The following USP33 variants were observed in gnomAD, a reference collection of about 807,000 sequenced individuals.
USP33 encodes the protein ubiquitin specific peptidase 33.
A neutral mutation model predicts 124.2 loss-of-function variants in USP33; 46 were observed. That is an observed-to-expected ratio of 0.37 (90% CI 0.29 to 0.47). The LOEUF is 0.47. Ranked by LOEUF, USP33 falls within the 20% of genes least tolerant of loss-of-function variation. The pLI is 0.99. For missense variants in USP33, 851 were observed against 1,070.6 expected (o/e 0.79, Z 2.86); for synonymous variants, 350 against 352.3 (o/e 0.99, Z 0.07).
At chr1:77,757,246 A>G (rs1680883176) in intron 1 of USP33, among the ~76,000 whole-genome samples, 1 of 152,226 alleles carries the variant, frequency 6.6e-6, no homozygotes, top group Non-Finnish European at 1.5e-5. Context: ...GTTGTGTAAA[A>G]AATTGCCTCA....
chr1:77,709,116 G>C (rs1285191917), intron 21 of USP33, among the ~76,000 whole-genome samples: 1 of 152,154 alleles, frequency 6.6e-6, no homozygotes, highest in Admixed American at 6.5e-5. Context: ...AATGATATAA[G>C]CATTCCAATC....
intron 21 of USP33, among the ~76,000 whole-genome samples, chr1:77,705,998 T>A (rs1186504757): frequency 2.6e-5 from 4 of 152,278 alleles, no homozygotes; most frequent in Non-Finnish European, 5.9e-5. Context: ...ATGATCTTTT[T>A]ACTGCTGAGT....
intron 22 of USP33, 80 bp from the exon 23 acceptor site, chr1:77,698,011 G>T: frequency 1.9e-6 from 2 of 1,071,596 alleles, no homozygotes; most frequent in Non-Finnish European, 2.8e-6. Flanking sequence ...ACAAAATTGT[G>T]ACCTATAACT....
chr1:77,738,724 G>C (rs1678771440), intron 5 of USP33, among the ~76,000 whole-genome samples: 1 of 152,090 alleles, frequency 6.6e-6, no homozygotes, highest in Non-Finnish European at 1.5e-5. Flanking sequence ...TCGTGATCCA[G>C]CCGCCTTGGC....
chr1:77,755,608 G>A (rs1484705299), intron 1 of USP33, among the ~76,000 whole-genome samples: 1 of 152,220 alleles, frequency 6.6e-6, no homozygotes, highest in Non-Finnish European at 1.5e-5. Context: ...TGAGTGGTGA[G>A]AACTGCTTGA....
chr1:77,717,095 G>C (rs1297162907), intron 17 of USP33, among the ~76,000 whole-genome samples: 1 of 151,966 alleles, frequency 6.6e-6, no homozygotes, highest in Non-Finnish European at 1.5e-5. Context: ...ACGAACTCCT[G>C]ACTTCAGATG....
chr1:77,702,141 C>CAAAAAAAAAAAAAAAAAAAAAAAA lies in USP33; in HGVS notation c.2407-694_2407-671dup, dbSNP rs58750531. Among the ~76,000 whole-genome samples, 42 of 15,784 alleles carry CAAAAAAAAAAAAAAAAAAAAAAAA rather than the reference C, an allele frequency of 2.7e-3. 2 individuals carry two copies. The highest frequency in any genetic ancestry group is 5.3e-3 in the African/African-American group (41 of 7,804). The allele number at this position is 15,784 out of a possible 152,430, so 10.4% of individuals were successfully genotyped here. ...TGGGTGACAGAACAAGACCCTGTCTCAAAAAAAAAAAAAAAAAAAAAAAAA... is the reference window on the plus strand; with the variant it reads ...TGGGTGACAGAACAAGACCCTGTCTCAAAAAAAAAAAAAAAAAAAAAAAAAAAAAAAAAAAAAAAAAAAAAAAAA... On this transcript the variant is annotated intron_variant, in intron 21 of 23. Coordinates refer to ENST00000370794, the MANE Select transcript of USP33 (RefSeq NM_201624.3).
chr1:77,729,712 C>T (rs1024702074), intron 9 of USP33, 148 bp downstream of exon 9: 1 of 700,144 alleles, frequency 1.4e-6, no homozygotes, highest in African/African-American at 1.8e-5. Flanking sequence ...AAAATATAAA[C>T]AATAAACATG....
chr1:77,730,038 G>A (rs1677626780), intron 8 of USP33, 100 bp from the exon 9 acceptor site: 2 of 1,124,134 alleles, frequency 1.8e-6, no homozygotes, highest in Admixed American at 2.3e-5. Flanking sequence ...AAATTGAAAA[G>A]TATGTTTCAA....
intron 2 of USP33, 36 bp from the exon 3 acceptor site, chr1:77,741,465 ATT>A (rs746256911): frequency 6.3e-7 from 1 of 1,586,712 alleles, no homozygotes; most frequent in Non-Finnish European, 8.6e-7. Flanking sequence ...CATTGGTTAT[ATT>A]GACACAAACA....
intron 10 of USP33, among the ~76,000 whole-genome samples, 198 bp from the exon 11 acceptor site, chr1:77,725,960 GTTTT>G (rs1677112962): frequency 6.6e-6 from 1 of 152,050 alleles, no homozygotes; most frequent in Admixed American, 6.6e-5. Flanking sequence ...TTGTTTACTT[GTTTT>G]TTTGAGACAG....
In USP33 at chr1:77,712,057, A is replaced by G. The variant is rs183646655; in HGVS notation, c.2298-202T>C. Among the ~76,000 whole-genome samples, 418 of 152,290 alleles carry G rather than the reference A, an allele frequency of 2.7e-3. 8 individuals carry two copies. The highest frequency in any genetic ancestry group is 6.2e-4 in the South Asian group (3 of 4,832). ...GTTTATTGCTTAACCTGCTTTATCT[A>G]TATTTCAACTTTCCCTTATTTCTGC... On this transcript the variant is annotated intron_variant, in intron 20 of 23. Coordinates refer to ENST00000370794, the MANE Select transcript of USP33 (RefSeq NM_201624.3).
chr1:77,698,083 TG>T, intron 22 of USP33, 152 bp from the exon 23 acceptor site: 1 of 531,846 alleles, frequency 1.9e-6, no homozygotes, highest in Non-Finnish European at 3.2e-6. Context: ...TTTTTTTTTT[TG>T]AGATGGAGTC....
At chr1:77,731,122 C>A (rs76261918) in intron 7 of USP33, among the ~76,000 whole-genome samples, 2 of 152,152 alleles carry the variant, frequency 1.3e-5, no homozygotes, top group Admixed American at 1.3e-4. Context: ...AAGGATTCCT[C>A]GGGACTTGAT....
intron 7 of USP33, among the ~76,000 whole-genome samples, chr1:77,731,193 C>T (rs1028778991): frequency 6.6e-6 from 1 of 152,118 alleles, no homozygotes; most frequent in Non-Finnish European, 1.5e-5. Flanking sequence ...CAACCATATT[C>T]CAATGATGGT....
At chr1:77,723,733 G>C (rs773987230) in intron 11 of USP33, among the ~76,000 whole-genome samples, 2 of 151,730 alleles carry the variant, frequency 1.3e-5, no homozygotes, top group African/African-American at 2.4e-5. Context: ...GTGCGATCTC[G>C]GCTCACTGCC....
intron 5 of USP33, among the ~76,000 whole-genome samples, chr1:77,738,593 G>A (rs928494293): frequency 1.3e-5 from 2 of 151,786 alleles, no homozygotes; most frequent in Non-Finnish European, 2.9e-5. Context: ...CCATTCTCCT[G>A]CCTCAGCCTC....
intron 1 of USP33, among the ~76,000 whole-genome samples, chr1:77,743,905 C>T (rs1398633358): frequency 3.9e-5 from 6 of 152,004 alleles, no homozygotes; most frequent in Admixed American, 1.3e-4. Context: ...CCAAGGTGGA[C>T]GGATCACGAG....
At chr1:77,714,542 C>G (rs892420307) in intron 19 of USP33, 72 bp downstream of exon 19, 1 of 1,485,844 alleles carries the variant, frequency 6.7e-7, no homozygotes, top group African/African-American at 1.4e-5. Flanking sequence ...GAGGAAAATT[C>G]TTGGCTCTCC....
Sources: allele counts gnomAD v4.1 joint callset (sites outside exome capture counted in the v4.1 genomes callset), GRCh38; gene constraint gnomAD v4.1.1; transcripts MANE v1.5; gene names NCBI Gene and HGNC (gene_info 2026-07-23, HGNC 2026-07-21).